WDR12: variants seen among roughly 807,000 people sequenced by gnomAD.
The protein encoded by WDR12 is WD repeat domain 12.
WDR12 carries 42 observed loss-of-function variants against 64.3 expected under a neutral mutation model. That is an observed-to-expected ratio of 0.65 (90% CI 0.51 to 0.84). WDR12 has a LOEUF of 0.84. WDR12 is among the 40% of genes least tolerant of loss of function. The pLI is 0.00. For synonymous variants in WDR12, 158 were observed against 173.3 expected, an observed-to-expected ratio of 0.91 and a Z score of 0.70; for missense variants, 469 against 494.6, an observed-to-expected ratio of 0.95 and a Z score of 0.49.
At chr2:202,883,552 T>A in intron 11 of WDR12, 57 bp downstream of exon 11, 1 of 1,547,480 alleles carries the variant, frequency 6.5e-7, no homozygotes, top group Non-Finnish European at 8.8e-7. Flanking sequence ...AGTATTCATT[T>A]CCTTTCTATA....
chr2:202,897,379 G>C lies in WDR12; in HGVS notation c.375C>G (p.Ile125Met), dbSNP rs746784799. Residue 125 changes from isoleucine (I) to methionine (M), a missense_variant, in exon 5 of 13, where the codon ATC becomes ATG. Coordinates refer to ENST00000261015, the MANE Select transcript of WDR12 (RefSeq NM_018256.4). Reference sequence around the variant, plus strand: ...TTATTGACTTTCCTTCCAAGGACCAGATCCGAGAAGTCTTATCATAAGAAC... The same window carrying C: ...TTATTGACTTTCCTTCCAAGGACCACATCCGAGAAGTCTTATCATAAGAAC... ...LTGSYDKTSR[I>M]WSLEGKSIMT... The C allele has an allele frequency of 4.0e-5, 63 of 1,592,420 alleles. No homozygotes were observed. The highest frequency in any genetic ancestry group is 1.4e-4 in the East Asian group (6 of 42,914).
intron 7 of WDR12, among the ~76,000 whole-genome samples, chr2:202,894,087 T>C (rs1431669971): frequency 6.6e-6 from 1 of 152,110 alleles, no homozygotes; most frequent in Non-Finnish European, 1.5e-5. Context: ...TCAGTGACAC[T>C]ATCCTGTAAG....
rs36096845 is a variant in WDR12, at chr2:202,876,062, C to CA, written c.*4797dup. ...GTTTAATTCTGTAAAACTAACCAGC[C>CA]AAAAACGTTTCTCTCCTAAGTTATA... On this transcript the variant is annotated 3_prime_UTR_variant, in exon 13 of 13. Transcript: ENST00000261015. 2.4e-4 allele frequency: 37 copies of CA among 152,204 alleles called. 1 individual carries two copies. Among genetic ancestry groups the CA allele is most frequent in the African/African-American group, 8.4e-4 (35 of 41,534 alleles). The allele number at this position is 152,204 out of a possible 1,614,324, so 9.4% of individuals were successfully genotyped here.
chr2:202,896,624 G>T (rs535347316), intron 5 of WDR12, among the ~76,000 whole-genome samples: 1 of 152,134 alleles, frequency 6.6e-6, no homozygotes, highest in South Asian at 2.1e-4. Context: ...TCAGGAGGTG[G>T]AAGTTGCAGT....
At chr2:202,895,798 G>A (rs943986526) in intron 6 of WDR12, among the ~76,000 whole-genome samples, 1 of 151,522 alleles carries the variant, frequency 6.6e-6, no homozygotes, top group African/African-American at 2.4e-5. Flanking sequence ...CCAAAGTGCT[G>A]GGATTACAGG....
intron 12 of WDR12, 121 bp downstream of exon 12, chr2:202,882,590 A>C (rs1687974501): frequency 1.1e-6 from 1 of 933,808 alleles, no homozygotes; most frequent in Non-Finnish European, 1.6e-6. Context: ...GGCCTCCCAA[A>C]GTGCTGCGAT....
Position 202,907,913 on chromosome 2 carries a change from T to C in WDR12, c.88A>G (p.Ile30Val). Residue 30 changes from isoleucine to valine, a missense_variant, in exon 2 of 13, where the codon ATT (isoleucine) becomes GTT (valine). Transcript: ENST00000261015. Reference protein sequence around the residue: ...VPFSIPAASEIADLSNIINKL... With the variant: ...VPFSIPAASEVADLSNIINKL... The stretch of plus-strand genomic sequence containing the variant: ...TTGATGATGTTACTAAGGTCGGCAA[T>C]TTCAGAGGCAGCAGGGATTGAGAAG... 1.2e-6 allele frequency: 2 copies of C among 1,614,106 alleles called. No individual in the cohort carries two copies. Among genetic ancestry groups the C allele is most frequent in the Non-Finnish European group, 1.7e-6 (2 of 1,179,990 alleles).
At position 202,876,421 on chromosome 2, in the gene WDR12, T is replaced by TA. The variant is rs1687860110; in HGVS notation, c.*4438dup. ...ATTGTGTTTGATACTTAATCTATGA[T>TA]AGTCAAAAATGTCAACAATGAAGTG... On this transcript the variant is annotated 3_prime_UTR_variant, in exon 13 of 13. Transcript: ENST00000261015. The TA allele has an allele frequency of 1.3e-5, 2 of 152,354 alleles. No homozygotes were observed. Among genetic ancestry groups the TA allele is most frequent in the Middle Eastern group, 6.8e-3 (2 of 294 alleles). 9.4% of individuals were successfully genotyped at this position (152,354 alleles called of 1,614,324 possible). A position where few individuals can be genotyped will look rare whatever the true frequency, so the allele number is the denominator to read the frequency against.
chr2:202,875,976 G>A lies in WDR12; in HGVS notation c.*4884C>T, dbSNP rs767754903. 2.6e-5 allele frequency: 4 copies of A among 152,176 alleles called. No homozygotes were observed. The highest frequency in any genetic ancestry group is 5.9e-5 in the Non-Finnish European group (4 of 68,032). The allele number at this position is 152,176 out of a possible 1,614,324, so 9.4% of individuals were successfully genotyped here. A position where few individuals can be genotyped will look rare whatever the true frequency, so the allele number is the denominator to read the frequency against. ...ATTGTTACTTTTATGGACACTGTAA[G>A]AAAATAATTTACTTCCTCAAATCTG... On this transcript the variant is annotated 3_prime_UTR_variant, in exon 13 of 13. Transcript: ENST00000261015.
rs1688015138 is a variant in WDR12, at chr2:202,884,545, A to C, written c.742-10T>G. On this transcript the variant is annotated splice_polypyrimidine_tract_variant and intron_variant, in intron 8 of 12. Transcript: ENST00000261015. ...GGGTCACTATGGGAGTCTAGAAAGG[A>C]AGAACCCCAAAAGGGGAAAGTGTTT... is the stretch of plus-strand genomic sequence containing the variant. 5 of 1,599,720 alleles carry C rather than the reference A, an allele frequency of 3.1e-6. No individual in the cohort carries two copies. The highest frequency in any genetic ancestry group is 4.2e-6 in the Non-Finnish European group (5 of 1,176,482).
At position 202,897,783 on chromosome 2, in the gene WDR12, G is replaced by A. The variant is rs1415785716; in HGVS notation, c.339-368C>T. ...GGGTGCCTGTAGTCTCAGCTACTCA[G>A]GAGGCTGGGGCAGGAGAATGGCGTG... On this transcript the variant is annotated intron_variant, in intron 4 of 12. Transcript: ENST00000261015. 5.4e-5 allele frequency among the ~76,000 whole-genome samples: 8 copies of A among 148,342 alleles called. No homozygotes were observed. In the South Asian group the frequency reaches 1.1e-3, roughly 20 times the overall value.
chr2:202,892,219 T>C (rs932093088), intron 8 of WDR12, among the ~76,000 whole-genome samples: 3 of 152,222 alleles, frequency 2.0e-5, no homozygotes, highest in African/African-American at 7.2e-5. Context: ...TCTAGTGATT[T>C]AGAAGATATA....
chr2:202,880,547 CAAAA>C lies in WDR12; in HGVS notation c.*309_*312del. 1 of 101,586 alleles carries C rather than the reference CAAAA, an allele frequency of 9.8e-6. No individual in the cohort carries two copies. Among genetic ancestry groups the C allele is most frequent in the Non-Finnish European group, 1.9e-5 (1 of 51,742 alleles). The allele number at this position is 101,586 out of a possible 1,614,324, so 6.3% of individuals were successfully genotyped here. A position where few individuals can be genotyped will look rare whatever the true frequency, so the allele number is the denominator to read the frequency against. The stretch of plus-strand genomic sequence containing the variant: ...TAGGCAACAGAGCAAGACTCCATCT[CAAAA>C]AAAAAAAAAACAAATAAAAATAAAA... On this transcript the variant is annotated 3_prime_UTR_variant, in exon 13 of 13. Transcript: ENST00000261015.
Position 202,911,585 on chromosome 2 carries a change from A to C in WDR12, c.-109T>G, listed in dbSNP as rs1400734874. On this transcript the variant is annotated 5_prime_UTR_variant, in exon 1 of 13. Coordinates refer to ENST00000261015, the MANE Select transcript of WDR12 (RefSeq NM_018256.4). ...AAGAGGCAGCTCAAAATTAGACTGCACAGGTAAGCGAGGAACTGCAGTCTA... is the reference window on the plus strand; with the variant it reads ...AAGAGGCAGCTCAAAATTAGACTGCCCAGGTAAGCGAGGAACTGCAGTCTA... 57 of 1,022,548 alleles carry C rather than the reference A, an allele frequency of 5.6e-5. No individual in the cohort carries two copies. The Middle Eastern group carries it at 2.2e-3, about 40-fold the overall frequency. 63.3% of individuals were successfully genotyped at this position (1,022,548 alleles called of 1,614,324 possible). A position where few individuals can be genotyped will look rare whatever the true frequency, so the allele number is the denominator to read the frequency against.
intron 2 of WDR12, 76 bp downstream of exon 2, chr2:202,907,788 CA>C: frequency 9.0e-6 from 11 of 1,216,996 alleles, no homozygotes; most frequent in South Asian, 1.3e-5. Context: ...ATCATAAGGC[CA>C]AAAAAGGAAC....
rs575498573 is a variant in WDR12, at chr2:202,908,778, A to G, written c.42-819T>C. Among the ~76,000 whole-genome samples the G allele has an allele frequency of 5.9e-5, 9 of 152,348 alleles. No individual in the cohort carries two copies. In the South Asian group the frequency reaches 1.4e-3, roughly 25 times the overall value. ...AATGGGCACTGAAATAGAGGAACAC[A>G]TGACAGGAGGCAGATTAGGAGACTC... On this transcript the variant is annotated intron_variant, in intron 1 of 12. Coordinates refer to ENST00000261015, the MANE Select transcript of WDR12 (RefSeq NM_018256.4).
intron 1 of WDR12, among the ~76,000 whole-genome samples, chr2:202,910,321 G>A (rs1167518932): frequency 6.6e-6 from 1 of 152,074 alleles, no homozygotes; most frequent in Admixed American, 6.6e-5. Flanking sequence ...CCAGGAGTTC[G>A]AGACCAGCAT....
chr2:202,907,319 G>A (rs1688476017), intron 2 of WDR12, among the ~76,000 whole-genome samples: 1 of 152,038 alleles, frequency 6.6e-6, no homozygotes, highest in African/African-American at 2.4e-5. Flanking sequence ...ACTTATATTA[G>A]TACAATAGTA....
In WDR12 at chr2:202,876,045, C is replaced by T. The variant is rs1196832605; in HGVS notation, c.*4815G>A. Reference sequence around the variant, plus strand: ...ATTAGAACAACCATTAGGTTTAATTCTGTAAAACTAACCAGCCAAAAACGT... The same window carrying T: ...ATTAGAACAACCATTAGGTTTAATTTTGTAAAACTAACCAGCCAAAAACGT... On this transcript the variant is annotated 3_prime_UTR_variant, in exon 13 of 13. Transcript: ENST00000261015. The T allele has an allele frequency of 6.6e-6, 1 of 152,154 alleles. No homozygotes were observed. The highest frequency in any genetic ancestry group is 2.4e-5 in the African/African-American group (1 of 41,426). The allele number at this position is 152,154 out of a possible 1,614,324, so 9.4% of individuals were successfully genotyped here. A position where few individuals can be genotyped will look rare whatever the true frequency, so the allele number is the denominator to read the frequency against.
Sources: gnomAD v4.1 joint callset for allele counts (sites outside exome capture counted in the v4.1 genomes callset) on GRCh38, gnomAD v4.1.1 for gene constraint, MANE v1.5 for transcripts, NCBI Gene and HGNC (gene_info 2026-07-23, HGNC 2026-07-21) for gene names.